Variants in KAZN observed in about 807,000 individuals in gnomAD.
The protein encoded by KAZN is kazrin, periplakin interacting protein.
A neutral mutation model predicts 87.4 loss-of-function variants in KAZN; 40 were observed. The observed-to-expected ratio is 0.46, with a 90% CI of 0.36 to 0.60. KAZN has a LOEUF of 0.60. KAZN is among the 20% of genes least tolerant of loss of function. KAZN has a pLI of 0.00. For synonymous variants in KAZN, 466 were observed against 458.3 expected, an observed-to-expected ratio of 1.02 and a Z score of -0.22; for missense variants, 898 against 1,073.9, an observed-to-expected ratio of 0.84 and a Z score of 2.29.
chr1:14,836,468 A>T (rs1647274236), intron 1 of KAZN, among the ~76,000 whole-genome samples: 1 of 152,140 alleles, frequency 6.6e-6, no homozygotes, highest in African/African-American at 2.4e-5. Flanking sequence ...CAGATGTTCC[A>T]CCGCTAAAGA....
chr1:14,589,573 G>T (rs561422683), intron 2 of KAZN, among the ~76,000 whole-genome samples: 1 of 152,284 alleles, frequency 6.6e-6, no homozygotes, highest in South Asian at 2.1e-4. Context: ...TTTTCCCGGG[G>T]CACTTTGGTG....
At chr1:14,680,851 G>T (rs559020850) in intron 1 of KAZN, among the ~76,000 whole-genome samples, 1 of 152,118 alleles carries the variant, frequency 6.6e-6, no homozygotes, top group Non-Finnish European at 1.5e-5. Flanking sequence ...AAGGAAATAC[G>T]TGAGACTCGG....
intron 1 of KAZN, among the ~76,000 whole-genome samples, chr1:14,854,655 G>A (rs573773142): frequency 4.9e-4 from 74 of 152,080 alleles, no homozygotes; most frequent in Non-Finnish European, 9.6e-4. Context: ...ACTCCCATGA[G>A]TATGGCAGGC....
rs145151665 is a variant in KAZN, at chr1:14,079,734, G to A, written c.92-100701G>A. ...TGCTGGGTACAGCTGCAAGTGCTGC[G>A]GGTGAGTATTCTCGGAGCAAATGGG... is the stretch of plus-strand genomic sequence containing the variant. On this transcript the variant is annotated intron_variant, in intron 1 of 16. Transcript: ENST00000636203. 9.3e-3 allele frequency among the ~76,000 whole-genome samples: 1,423 copies of A among 152,262 alleles called. 13 individuals carry two copies. The highest frequency in any genetic ancestry group is 0.02 in the South Asian group (95 of 4,824).
chr1:14,154,135 C>T (rs762273121), intron 1 of KAZN, among the ~76,000 whole-genome samples: 1 of 152,124 alleles, frequency 6.6e-6, no homozygotes, highest in Non-Finnish European at 1.5e-5. Context: ...AATCCATGAA[C>T]ATGAAATATC....
intron 2 of KAZN, among the ~76,000 whole-genome samples, chr1:14,261,484 G>A (rs997261837): frequency 6.6e-6 from 1 of 152,176 alleles, no homozygotes; most frequent in African/African-American, 2.4e-5. Context: ...CTGATCATGA[G>A]TGTGTTTGCC....
intron 1 of KAZN, among the ~76,000 whole-genome samples, chr1:14,868,679 A>G (rs993856130): frequency 7.4e-4 from 112 of 151,818 alleles, no homozygotes; most frequent in African/African-American, 2.6e-3. Flanking sequence ...ATGTCCTTCC[A>G]GAAATGGGGC....
At chr1:14,472,732 C>G (rs990462621) in intron 2 of KAZN, among the ~76,000 whole-genome samples, 1 of 151,244 alleles carries the variant, frequency 6.6e-6, no homozygotes, top group Non-Finnish European at 1.5e-5. Context: ...AGATCTTTGT[C>G]TCTGTGAGAT....
At chr1:14,930,160 A>G (rs756987221) in intron 1 of KAZN, 3 of 799,524 alleles carry the variant, frequency 3.8e-6, no homozygotes, top group Non-Finnish European at 4.5e-6. Flanking sequence ...CGTGCTGGAC[A>G]CTGGGGACTG....
At chr1:14,788,628 C>T (rs1645581292) in intron 1 of KAZN, among the ~76,000 whole-genome samples, 1 of 152,124 alleles carries the variant, frequency 6.6e-6, no homozygotes, top group Non-Finnish European at 1.5e-5. Flanking sequence ...CCCTAAAGCA[C>T]CAGGCACCAA....
At chr1:14,579,200 G>A (rs1186970160) in intron 2 of KAZN, among the ~76,000 whole-genome samples, 2 of 152,130 alleles carry the variant, frequency 1.3e-5, no homozygotes, top group Non-Finnish European at 2.9e-5. Context: ...GCTTATAACA[G>A]TGTTTATAAT....
intron 1 of KAZN, among the ~76,000 whole-genome samples, chr1:14,064,571 T>C (rs1253458283): frequency 6.6e-6 from 1 of 152,124 alleles, no homozygotes; most frequent in Non-Finnish European, 1.5e-5. Flanking sequence ...AAGGAAGCGT[T>C]TTTTGATGTT....
chr1:14,414,478 G>C (rs1664580842), intron 2 of KAZN, among the ~76,000 whole-genome samples: 1 of 152,094 alleles, frequency 6.6e-6, no homozygotes, highest in South Asian at 2.1e-4. Context: ...GATTGAACCA[G>C]GACCACATGC....
At chr1:14,954,891 G>A (rs1443391451) in intron 1 of KAZN, among the ~76,000 whole-genome samples, 6 of 152,152 alleles carry the variant, frequency 3.9e-5, no homozygotes, top group African/African-American at 1.4e-4. Flanking sequence ...GGCAGAGCTT[G>A]CAGTGAGCCA....
intron 2 of KAZN, among the ~76,000 whole-genome samples, chr1:14,222,552 A>T (rs1647129232): frequency 6.6e-6 from 1 of 152,180 alleles, no homozygotes; most frequent in South Asian, 2.1e-4. Context: ...TTAGATCTGA[A>T]TTTATGCCTA....
rs1191115631 is a variant in KAZN at position 14,127,396 on chromosome 1, G to GTTTTTTTTTTTTTTTTTTTTTT, written c.92-53037_92-53036insTTTTTTTTTTTTTTTTTTTTTT. Among the ~76,000 whole-genome samples, 2 of 51,018 alleles carry GTTTTTTTTTTTTTTTTTTTTTT rather than the reference G, an allele frequency of 3.9e-5. 1 individual carries two copies. The highest frequency in any genetic ancestry group is 6.8e-5 in the Non-Finnish European group (2 of 29,318). 33.5% of individuals were successfully genotyped at this position (51,018 alleles called of 152,430 possible). ...CTGAGAAAAAGCATACCCCTTTACT[G>GTTTTTTTTTTTTTTTTTTTTTT]TTGTTTTTTTTTTTTTTTGGTCTGA... On this transcript the variant is annotated intron_variant, in intron 1 of 16. Coordinates refer to the KAZN transcript ENST00000636203.
At chr1:14,404,839 T>C (rs1663699980) in intron 2 of KAZN, among the ~76,000 whole-genome samples, 1 of 152,152 alleles carries the variant, frequency 6.6e-6, no homozygotes, top group Non-Finnish European at 1.5e-5. Flanking sequence ...GTAAGAAAGG[T>C]CCACTTAAAG....
chr1:14,068,406 T>C (rs1378224891), intron 1 of KAZN, among the ~76,000 whole-genome samples: 1 of 152,176 alleles, frequency 6.6e-6, no homozygotes. Context: ...CCTGGTAAGC[T>C]GTCTCTGAAT....
chr1:14,219,953 T>G (rs1647056425), intron 2 of KAZN, among the ~76,000 whole-genome samples: 2 of 152,196 alleles, frequency 1.3e-5, no homozygotes, highest in Admixed American at 1.3e-4. Flanking sequence ...CAACATTTCT[T>G]CAGTCGTTGT....
Sources: gnomAD v4.1 joint callset for allele counts (sites outside exome capture counted in the v4.1 genomes callset) on GRCh38, gnomAD v4.1.1 for gene constraint, MANE v1.5 for transcripts, NCBI Gene and HGNC (gene_info 2026-07-23, HGNC 2026-07-21) for gene names.